GJA8: variants seen among roughly 807,000 people sequenced by gnomAD.
GJA8 encodes the protein gap junction protein alpha 8.
In GJA8, 13 loss-of-function variants were observed where a neutral mutation model predicts 15.3. The ratio of observed to expected loss-of-function variants is 0.85; its 90% confidence interval spans 0.55 to 1.35. The LOEUF is 1.35. Among genes scored for constraint, GJA8 ranks in the 40% most tolerant of loss-of-function variants. GJA8 has a pLI of 0.00. For synonymous variants in GJA8, 304 were observed against 238.7 expected (o/e 1.27, Z -2.52); for missense variants, 607 against 553.3 (o/e 1.10, Z -0.97).
downstream of GJA8, among the ~76,000 whole-genome samples, chr1:147,912,239 C>A (rs1195822037): frequency 2.6e-5 from 4 of 152,172 alleles, no homozygotes; most frequent in African/African-American, 9.7e-5. Flanking sequence ...ATTCCTCCAA[C>A]AGCAGTAAGA....
chr1:147,913,105 C>T (rs1553243690), downstream of GJA8, among the ~76,000 whole-genome samples: 1 of 152,020 alleles, frequency 6.6e-6, no homozygotes, highest in African/African-American at 2.4e-5. Flanking sequence ...TTCCAAGATG[C>T]CACTTACCTG....
At chr1:147,911,826 C>G (rs1234341882), downstream of GJA8, among the ~76,000 whole-genome samples, 5 of 151,656 alleles carry the variant, frequency 3.3e-5, no homozygotes, top group Non-Finnish European at 5.9e-5. Flanking sequence ...ATATCCTGTT[C>G]TAAATAAAAC....
At chr1:147,910,134 A>G (rs1652051420), downstream of GJA8, among the ~76,000 whole-genome samples, 1 of 152,232 alleles carries the variant, frequency 6.6e-6, no homozygotes, top group African/African-American at 2.4e-5. Flanking sequence ...TGCTGGGATT[A>G]CAGGTGTATG....
Position 147,908,102 on chromosome 1 carries a change from A to G in GJA8, c.147A>G (p.Gln49=), listed in dbSNP as rs1553242558. The G allele has an allele frequency of 1.9e-6, 3 of 1,614,034 alleles. No homozygotes were observed. Among genetic ancestry groups the G allele is most frequent in the Non-Finnish European group, 2.5e-6 (3 of 1,180,042 alleles). ...CAGAGTTCGTGTGGGGGGATGAGCA[A>G]TCCGACTTCGTGTGCAACACCCAGC... ...TAAEFVWGDE[Q]SDFVCNTQQP... The change falls in exon 2 of 2, where the codon CAA becomes CAG. Residue 49 remains glutamine, a synonymous_variant. Transcript: ENST00000369235.
rs1237822086 is a variant in GJA8 at position 147,909,054 on chromosome 1, C to T, written c.1099C>T (p.Pro367Ser). The T allele has an allele frequency of 6.9e-6, 11 of 1,601,614 alleles. No individual in the cohort carries two copies. The highest frequency in any genetic ancestry group is 4.5e-5 in the East Asian group (2 of 44,450). The change falls in exon 2 of 2, where the codon CCA (proline) becomes TCA (serine). Residue 367 changes from proline to serine, a missense_variant. Transcript: ENST00000369235. ...TTEEQEKVAV[P>S]EGEKVETPGV... ...GGAGGAGCAGGAGAAGGTGGCCGTG[C>T]CAGAGGGGGAGAAAGTAGAGACCCC...
downstream of GJA8, among the ~76,000 whole-genome samples, chr1:147,913,806 C>G (rs1056751226): frequency 1.1e-4 from 16 of 152,290 alleles, no homozygotes; most frequent in Middle Eastern, 3.4e-3. Context: ...CCCAGCTTAG[C>G]AAAGTTTAGA....
chr1:147,902,894 C>A (rs1651659544), intron 1 of GJA8, among the ~76,000 whole-genome samples, 33 bp downstream of exon 1: 1 of 152,184 alleles, frequency 6.6e-6, no homozygotes, highest in Non-Finnish European at 1.5e-5. Context: ...TAGTTTGTAA[C>A]CTTCCCCCCA....
At position 147,908,489 on chromosome 1, in the gene GJA8, G is replaced by T. The variant is rs1553242731; in HGVS notation, c.534G>T (p.Leu178=). The T allele has an allele frequency of 3.1e-6, 5 of 1,614,098 alleles. No individual in the cohort carries two copies. The highest frequency in any genetic ancestry group is 4.2e-6 in the Non-Finnish European group (5 of 1,180,048). Residue 178 remains leucine, a synonymous_variant, in exon 2 of 2, where the codon CTG becomes CTT. Transcript: ENST00000369235. ...ACTTCCTGTACGGGTTCCGGATCCTGCCTCTGTACCGCTGCAGCCGGTGGC... is the reference window on the plus strand; with the variant it reads ...ACTTCCTGTACGGGTTCCGGATCCTTCCTCTGTACCGCTGCAGCCGGTGGC... ...GHYFLYGFRI[L]PLYRCSRWPC... is the part of the protein sequence containing the mutation.
chr1:147,905,096 T>C (rs782450066), intron 1 of GJA8, among the ~76,000 whole-genome samples: 8 of 152,202 alleles, frequency 5.3e-5, no homozygotes, highest in Non-Finnish European at 1.0e-4. Context: ...TTTTTGTTAT[T>C]TACCATTTTT....
At chr1:147,906,460 G>A (rs1379515575) in intron 1 of GJA8, among the ~76,000 whole-genome samples, 2 of 152,098 alleles carry the variant, frequency 1.3e-5, no homozygotes, top group Non-Finnish European at 2.9e-5. Context: ...CATGTTTAAC[G>A]ATATTTTTTC....
chr1:147,904,772 C>T (rs2149013605), intron 1 of GJA8, among the ~76,000 whole-genome samples: 1 of 152,260 alleles, frequency 6.6e-6, no homozygotes, highest in Middle Eastern at 3.4e-3. Flanking sequence ...AGGCCTGTTT[C>T]AACATCATGG....
At chr1:147,913,424 AG>A (rs1190421507), downstream of GJA8, among the ~76,000 whole-genome samples, 2 of 152,210 alleles carry the variant, frequency 1.3e-5, no homozygotes, top group African/African-American at 4.8e-5. Flanking sequence ...TACAAAAAAA[AG>A]AATGTCTTTA....
At chr1:147,907,244 C>G (rs1422024935) in intron 1 of GJA8, among the ~76,000 whole-genome samples, 1 of 152,162 alleles carries the variant, frequency 6.6e-6, no homozygotes, top group Non-Finnish European at 1.5e-5. Flanking sequence ...CAAGTTCTCA[C>G]TGTGTGCTGG....
intron 1 of GJA8, among the ~76,000 whole-genome samples, chr1:147,905,190 G>A (rs1313337584): frequency 6.6e-6 from 1 of 152,152 alleles, no homozygotes; most frequent in East Asian, 1.9e-4. Flanking sequence ...ACAGGAATTT[G>A]GGGATTGAGA....
Position 147,908,486 on chromosome 1 carries a change from C to T in GJA8, c.531C>T (p.Ile177=). Residue 177 remains isoleucine (I), a synonymous_variant, in exon 2 of 2, where the codon ATC becomes ATT. Transcript: ENST00000369235. ...VGHYFLYGFR[I]LPLYRCSRWP... ...ACTACTTCCTGTACGGGTTCCGGAT[C>T]CTGCCTCTGTACCGCTGCAGCCGGT... is the stretch of plus-strand genomic sequence containing the variant. 6.2e-7 allele frequency: 1 copy of T among 1,614,218 alleles called. No individual in the cohort carries two copies. The highest frequency in any genetic ancestry group is 8.5e-7 in the Non-Finnish European group (1 of 1,180,032).
chr1:147,910,631 C>A (rs144778669), downstream of GJA8, among the ~76,000 whole-genome samples: 1 of 152,312 alleles, frequency 6.6e-6, no homozygotes, highest in East Asian at 1.9e-4. Context: ...CTTTATTCCC[C>A]TCTTGCAGCA....
At chr1:147,903,725 C>T (rs1446930679) in intron 1 of GJA8, among the ~76,000 whole-genome samples, 3 of 152,068 alleles carry the variant, frequency 2.0e-5, no homozygotes, top group African/African-American at 7.2e-5. Context: ...AGTTCTAGCT[C>T]AAGATGAAGG....
rs369886326 is a variant in GJA8 at position 147,909,170 on chromosome 1, T to C, written c.1215T>C (p.Cys405=). 2.4e-5 allele frequency: 39 copies of C among 1,608,542 alleles called. No homozygotes were observed. The highest frequency in any genetic ancestry group is 3.2e-5 in the Non-Finnish European group (38 of 1,177,136). The part of the protein sequence containing the change: ...GLPAEKTPSL[C]PELTTDDARP... ...CAGCTGAGAAGACACCTTCACTCTG[T>C]CCAGAGCTGACAACAGATGATGCCA... Residue 405 remains cysteine, a synonymous_variant, in exon 2 of 2, where the codon TGT becomes TGC. Transcript: ENST00000369235.
chr1:147,910,040 T>TG (rs1489942519), downstream of GJA8, among the ~76,000 whole-genome samples: 2 of 152,136 alleles, frequency 1.3e-5, no homozygotes, highest in African/African-American at 4.8e-5. Flanking sequence ...TTGTATTTTT[T>TG]GTACAGATGG....
Sources: allele counts gnomAD v4.1 joint callset (sites outside exome capture counted in the v4.1 genomes callset), GRCh38; gene constraint gnomAD v4.1.1; transcripts MANE v1.5; gene names NCBI Gene and HGNC (gene_info 2026-07-23, HGNC 2026-07-21).